The following STRN3 variants were observed in gnomAD, a reference collection of about 807,000 sequenced individuals.
STRN3 encodes the protein striatin-3.
In STRN3, 29 loss-of-function variants were observed where a neutral mutation model predicts 95.6. The observed-to-expected ratio is 0.30, with a 90% CI of 0.23 to 0.41. The LOEUF (loss-of-function observed/expected upper bound fraction) is 0.41. Among genes scored for constraint, STRN3 ranks in the 10% least tolerant of loss-of-function variants. The pLI is 1.00. For synonymous variants in STRN3, 331 were observed against 357.6 expected (o/e 0.93, Z 0.84); for missense variants, 890 against 972.1 (o/e 0.92, Z 1.12).
At chr14:30,929,987 T>C (rs1878448268) in intron 7 of STRN3, among the ~76,000 whole-genome samples, 1 of 30,292 alleles carries the variant, frequency 3.3e-5, no homozygotes, top group African/African-American at 1.3e-4. Context: ...AAACTCAAAT[T>C]CCACTGAAGA....
chr14:30,940,530 C>T (rs879531254), intron 5 of STRN3, among the ~76,000 whole-genome samples: 1 of 152,094 alleles, frequency 6.6e-6, no homozygotes, highest in Non-Finnish European at 1.5e-5. Context: ...TTTAATAATG[C>T]CTGATTCCTA....
At chr14:30,956,568 C>CA (rs1879916012) in intron 1 of STRN3, among the ~76,000 whole-genome samples, 1 of 151,524 alleles carries the variant, frequency 6.6e-6, no homozygotes, top group Non-Finnish European at 1.5e-5. Flanking sequence ...GACTCTGTCT[C>CA]AAACAAACAA....
intron 1 of STRN3, among the ~76,000 whole-genome samples, chr14:30,979,028 C>T (rs1218182342): frequency 2.8e-5 from 2 of 70,494 alleles, no homozygotes; most frequent in East Asian, 3.9e-4. Flanking sequence ...TGTGAGACTC[C>T]ATCTCAAAAA....
At chr14:30,960,868 C>CAAAAAAAAAAAAAAAAAAAAAAAAAA (rs56227331) in intron 1 of STRN3, among the ~76,000 whole-genome samples, 1 of 47,632 alleles carries the variant, frequency 2.1e-5, no homozygotes, top group Non-Finnish European at 4.1e-5. Flanking sequence ...GACTCCATCT[C>CAAAAAAAAAAAAAAAAAAAAAAAAAA]AAAAAAAAAA....
chr14:30,910,397 T>C (rs1302950029), intron 13 of STRN3, among the ~76,000 whole-genome samples: 4 of 152,236 alleles, frequency 2.6e-5, no homozygotes, highest in South Asian at 4.1e-4. Flanking sequence ...GCCTAGCTAA[T>C]GTAGGCACAA....
Position 30,936,578 on chromosome 14 carries a change from C to T in STRN3, c.763G>A (p.Asp255Asn), listed in dbSNP as rs768791590. ...TTTTCCTCATCTTCATCACTGTCAT[C>T]GGCATTTTCTAAGAAATTGAACGTC... The part of the protein sequence containing the change: ...LETFNFLENA[D>N]DSDEDEENDM... Residue 255 changes from aspartate to asparagine, a missense_variant, in exon 6 of 18, where the codon GAT becomes AAT. By Grantham distance (23) the Asp-to-Asn change is conservative (BLOSUM62 1). Transcript: ENST00000357479. 5.0e-6 allele frequency: 8 copies of T among 1,613,710 alleles called. No homozygotes were observed. In the Admixed American group the frequency reaches 5.0e-5, roughly 10 times the overall value.
intron 1 of STRN3, among the ~76,000 whole-genome samples, chr14:30,966,274 T>C (rs1168948103): frequency 6.6e-6 from 1 of 152,228 alleles, no homozygotes; most frequent in Non-Finnish European, 1.5e-5. Context: ...GCGCTCACCA[T>C]TGTTCCATCT....
intron 1 of STRN3, chr14:31,025,535 G>A (rs949131497): frequency 1.1e-5 from 3 of 276,180 alleles, no homozygotes; most frequent in African/African-American, 6.8e-5. Context: ...GAACAAACAA[G>A]AGCAAACTCA....
intron 1 of STRN3, among the ~76,000 whole-genome samples, chr14:30,994,774 C>G (rs1882123207): frequency 6.6e-6 from 1 of 152,190 alleles, no homozygotes; most frequent in South Asian, 2.1e-4. Context: ...CTACTGAGTG[C>G]CTCATAATAA....
chr14:30,927,930 CAAAAAAA>C lies in STRN3; in HGVS notation c.1099+1264_1099+1270del, dbSNP rs56216107. Among the ~76,000 whole-genome samples, 45 of 85,068 alleles carry C rather than the reference CAAAAAAA, an allele frequency of 5.3e-4. 1 individual carries two copies. The highest frequency in any genetic ancestry group is 4.7e-3 in the South Asian group (13 of 2,748). The allele number at this position is 85,068 out of a possible 152,430, so 55.8% of individuals were successfully genotyped here. On this transcript the variant is annotated intron_variant, in intron 8 of 17. Transcript: ENST00000357479. ...CCAGGGCGACAGAGCGAGACTCCGT[CAAAAAAA>C]AAAAAAAAAAAAAAAAAATTAAACC...
intron 1 of STRN3, among the ~76,000 whole-genome samples, chr14:31,020,151 A>G (rs1594595371): frequency 6.6e-6 from 1 of 152,180 alleles, no homozygotes; most frequent in South Asian, 2.1e-4. Context: ...ACATTTAGGA[A>G]CTTTATGAGA....
At chr14:30,950,802 T>G in intron 4 of STRN3, 61 bp downstream of exon 4, 1 of 1,450,158 alleles carries the variant, frequency 6.9e-7, no homozygotes, top group Non-Finnish European at 9.6e-7. Context: ...GTAAAGTGAT[T>G]CAGTATAAGC....
At chr14:30,969,294 G>A (rs565125070) in intron 1 of STRN3, among the ~76,000 whole-genome samples, 6 of 152,126 alleles carry the variant, frequency 3.9e-5, no homozygotes, top group African/African-American at 1.2e-4. Flanking sequence ...AAAATTAGCC[G>A]GGCATGGTGG....
chr14:30,897,683 T>C (rs1896195582), intron 16 of STRN3, among the ~76,000 whole-genome samples: 2 of 152,176 alleles, frequency 1.3e-5, no homozygotes, highest in African/African-American at 2.4e-5. Flanking sequence ...TAAGACAAAA[T>C]TAAAGTCTCT....
chr14:30,897,332 C>A (rs1896185172), intron 16 of STRN3, among the ~76,000 whole-genome samples: 1 of 152,170 alleles, frequency 6.6e-6, no homozygotes, highest in African/African-American at 2.4e-5. Context: ...TGCCTGTAAT[C>A]CCAGCACTTT....
chr14:30,993,716 G>A (rs1021703226), intron 1 of STRN3, among the ~76,000 whole-genome samples: 1 of 151,916 alleles, frequency 6.6e-6, no homozygotes, highest in Non-Finnish European at 1.5e-5. Flanking sequence ...TCTCACTCTT[G>A]TCGCCCAGGC....
At chr14:31,003,358 A>C (rs566029469) in intron 1 of STRN3, among the ~76,000 whole-genome samples, 78 of 151,888 alleles carry the variant, frequency 5.1e-4, no homozygotes, top group African/African-American at 1.5e-3. Flanking sequence ...GGAAAAAAAA[A>C]AAACAAACAA....
intron 12 of STRN3, 32 bp downstream of exon 12, chr14:30,911,745 T>C (rs1166746182): frequency 3.8e-6 from 6 of 1,566,052 alleles, no homozygotes; most frequent in Non-Finnish European, 5.2e-6. Context: ...ATAATGATGA[T>C]GTTAATTAAA....
intron 1 of STRN3, among the ~76,000 whole-genome samples, chr14:31,009,573 G>A (rs1882873430): frequency 6.9e-6 from 1 of 145,906 alleles, no homozygotes; most frequent in South Asian, 2.1e-4. Context: ...GGTTGTTCCT[G>A]GAAAATCAGG....
Sources: allele counts gnomAD v4.1 joint callset (sites outside exome capture counted in the v4.1 genomes callset), GRCh38; gene constraint gnomAD v4.1.1; transcripts MANE v1.5; gene names NCBI Gene and HGNC (gene_info 2026-07-23, HGNC 2026-07-21).